GNA15: variants seen among roughly 807,000 people sequenced by gnomAD.
GNA15 encodes guanine nucleotide-binding protein subunit alpha-15.
In GNA15, 23 loss-of-function variants were observed where a neutral mutation model predicts 40.1. The ratio of observed to expected loss-of-function variants is 0.57; its 90% CI spans 0.41 to 0.81. The LOEUF (loss-of-function observed/expected upper bound fraction) is 0.81, where lower values mean the gene tolerates loss of function less well. GNA15 is among the 40% of genes least tolerant of loss of function. The pLI is 0.00. For missense variants in GNA15, 522 were observed against 515.8 expected (o/e 1.01, Z -0.12); for synonymous variants, 226 against 210.4 (o/e 1.07, Z -0.64).
At chr19:3,148,840 C>G (rs1051144755) in intron 2 of GNA15, 65 bp downstream of exon 2, 1 of 1,465,128 alleles carries the variant, frequency 6.8e-7, no homozygotes, top group Non-Finnish European at 9.1e-7. Context: ...TCCCCAGACC[C>G]CGGAGCAGGG....
chr19:3,161,237 A>G (rs1332059879), intron 6 of GNA15, among the ~76,000 whole-genome samples: 1 of 152,208 alleles, frequency 6.6e-6, no homozygotes, highest in Non-Finnish European at 1.5e-5. Flanking sequence ...TACAGGCGTG[A>G]GCCCTCATGC....
rs1206004386 is a variant in GNA15 at position 3,136,553 on chromosome 19, CAGA to C, written c.109_111del (p.Lys37del). ...GGAGATCAACAGGATCCTCTTGGAG[CAGA>C]AGAAGCAGGACCGCGGGGAGCTGAA... On this transcript the variant is annotated inframe_deletion, in exon 1 of 7. Coordinates refer to ENST00000262958, the MANE Select transcript of GNA15 (RefSeq NM_002068.4). This position sits in a 1 kb window ranked among gnomAD's most constrained non-coding sequence, Gnocchi z 4.9. The C allele has an allele frequency of 6.4e-7, 1 of 1,568,516 alleles. No homozygotes were observed. The highest frequency in any genetic ancestry group is 1.4e-5 in the African/African-American group (1 of 73,960).
intron 1 of GNA15, among the ~76,000 whole-genome samples, chr19:3,140,664 G>A (rs2144840405): frequency 6.6e-6 from 1 of 152,276 alleles, no homozygotes; most frequent in South Asian, 2.1e-4. Flanking sequence ...GACCACATCT[G>A]TCTTCTTCAT....
At chr19:3,156,097 C>A (rs1915007256) in intron 5 of GNA15, 145 bp downstream of exon 5, 2 of 728,204 alleles carry the variant, frequency 2.7e-6, no homozygotes, top group Non-Finnish European at 4.3e-6. Context: ...GACCCTTCAG[C>A]CTTTTGTGGT....
intron 4 of GNA15, among the ~76,000 whole-genome samples, chr19:3,153,318 T>C (rs1390725793): frequency 6.7e-6 from 1 of 148,716 alleles, no homozygotes. Flanking sequence ...GGTGGATGGA[T>C]AGATGAATAG....
chr19:3,163,222 G>A lies in GNA15; in HGVS notation c.*203G>A, dbSNP rs1158004921. ...CCCCAGGGTACTCCTGCCCTTGCTT[G>A]ACTCAGTTTCCCTCCTTTGAAAGGG... On this transcript the variant is annotated 3_prime_UTR_variant, in exon 7 of 7. Transcript: ENST00000262958. 1.7e-6 allele frequency: 1 copy of A among 585,520 alleles called. No individual in the cohort carries two copies. Among genetic ancestry groups the A allele is most frequent in the Admixed American group, 3.0e-5 (1 of 33,198 alleles). 36.3% of individuals were successfully genotyped at this position (585,520 alleles called of 1,614,324 possible). A position where few individuals can be genotyped will look rare whatever the true frequency, so the allele number is the denominator to read the frequency against.
chr19:3,140,716 G>A (rs993974696), intron 1 of GNA15, among the ~76,000 whole-genome samples: 1 of 152,142 alleles, frequency 6.6e-6, no homozygotes, highest in Non-Finnish European at 1.5e-5. Context: ...CAATGAGCCT[G>A]CCATATAGTA....
Position 3,136,404 on chromosome 19 carries a change from G to C in GNA15, c.-47G>C, listed in dbSNP as rs1047404912. 8.9e-5 allele frequency: 136 copies of C among 1,534,570 alleles called. No homozygotes were observed. The highest frequency in any genetic ancestry group is 1.1e-4 in the Non-Finnish European group (128 of 1,138,940). On this transcript the variant is annotated 5_prime_UTR_variant, in exon 1 of 7. Transcript: ENST00000262958. The surrounding 1 kb of genome is among the most constrained non-coding windows in gnomAD (Gnocchi z 4.9). ...GGGCTGGGGGTTGCCCTGGCCAGCA[G>C]GGGCCCGGGGGCGATGCCACCCGGT...
intron 1 of GNA15, among the ~76,000 whole-genome samples, chr19:3,139,209 G>A (rs914279491): frequency 6.6e-6 from 1 of 152,100 alleles, no homozygotes; most frequent in Non-Finnish European, 1.5e-5. Context: ...GCCTCCCAAA[G>A]TGTGGGGATT....
At chr19:3,154,918 G>A (rs1914976888) in intron 4 of GNA15, 1 of 152,142 alleles carries the variant, frequency 6.6e-6, no homozygotes, top group South Asian at 2.1e-4. Context: ...AGAGGACACT[G>A]AGACCCGAGA....
intron 1 of GNA15, 147 bp from the exon 2 acceptor site, chr19:3,148,444 C>T: frequency 1.4e-6 from 1 of 723,584 alleles, no homozygotes; most frequent in Non-Finnish European, 2.2e-6. Context: ...AAGCCGCTAG[C>T]CTAGGGTCAC....
chr19:3,145,013 G>C (rs1914678182), intron 1 of GNA15, among the ~76,000 whole-genome samples: 1 of 150,130 alleles, frequency 6.7e-6, no homozygotes, highest in Admixed American at 6.6e-5. Context: ...ATTTTTAGTA[G>C]AGACAGGGTT....
At chr19:3,141,063 G>A (rs1914565300) in intron 1 of GNA15, among the ~76,000 whole-genome samples, 1 of 151,918 alleles carries the variant, frequency 6.6e-6, no homozygotes, top group Non-Finnish European at 1.5e-5. Flanking sequence ...ACCTGGAGGT[G>A]GCTGATCCTT....
chr19:3,163,017 T>C lies in GNA15; in HGVS notation c.1123T>C (p.Ter375ArgextTer68). The C allele has an allele frequency of 6.2e-7, 1 of 1,610,724 alleles. No individual in the cohort carries two copies. Among genetic ancestry groups the C allele is most frequent in the Non-Finnish European group, 8.5e-7 (1 of 1,177,128 alleles). ...ARYLDEINLL* is the reference protein window; with the variant it reads ...ARYLDEINLLR ...CTACCTGGACGAGATCAACCTGCTG[T>C]GACCCAGGCCCCACCTGGGGCAGGC... Residue 375 changes from the stop codon to arginine (R), a stop_lost, in exon 7 of 7, where the codon TGA becomes CGA. Transcript: ENST00000262958.
rs1914882744 is a variant in GNA15 at position 3,151,621 on chromosome 19, A to AG, written c.486-83dup. ...ACCCAGGGAGCTCTCCTCCCCCAGCAGGGTCCTTGCTGGGCCTTTCGTAGG... is the reference window on the plus strand; with the variant it reads ...ACCCAGGGAGCTCTCCTCCCCCAGCAGGGGTCCTTGCTGGGCCTTTCGTAGG... On this transcript the variant is annotated intron_variant, in intron 3 of 6. Coordinates refer to ENST00000262958, the MANE Select transcript of GNA15 (RefSeq NM_002068.4). The surrounding 1 kb of genome is among the most constrained non-coding windows in gnomAD (Gnocchi z 5.0). 1 of 1,428,136 alleles carries AG rather than the reference A, an allele frequency of 7.0e-7. No homozygotes were observed. Among genetic ancestry groups the AG allele is most frequent in the African/African-American group, 1.5e-5 (1 of 68,694 alleles). The allele number at this position is 1,428,136 out of a possible 1,614,324, so 88.5% of individuals were successfully genotyped here.
At chr19:3,150,110 G>GC in intron 2 of GNA15, 21 bp from the exon 3 acceptor site, 1 of 1,607,084 alleles carries the variant, frequency 6.2e-7, no homozygotes. Flanking sequence ...TACCCTAACT[G>GC]CCCCCGTCCT....
chr19:3,163,036 G>T lies in GNA15; in HGVS notation c.*17G>T. ...CTGCTGTGACCCAGGCCCCACCTGG[G>T]GCAGGCGGCACCGGCGGGCGGGTGG... is the stretch of plus-strand genomic sequence containing the variant. On this transcript the variant is annotated 3_prime_UTR_variant, in exon 7 of 7. Coordinates refer to ENST00000262958, the MANE Select transcript of GNA15 (RefSeq NM_002068.4). 6.3e-7 allele frequency: 1 copy of T among 1,577,892 alleles called. No individual in the cohort carries two copies. Among genetic ancestry groups the T allele is most frequent in the Non-Finnish European group, 8.7e-7 (1 of 1,147,736 alleles).
chr19:3,160,501 A>G (rs539064956), intron 6 of GNA15, among the ~76,000 whole-genome samples: 1 of 152,264 alleles, frequency 6.6e-6, no homozygotes, highest in African/African-American at 2.4e-5. Context: ...GCCACATTCT[A>G]TTTGTCAAGC....
chr19:3,136,349 G>A lies in GNA15; in HGVS notation c.-102G>A, dbSNP rs537198789. 3.0e-5 allele frequency: 37 copies of A among 1,229,018 alleles called. No homozygotes were observed. The highest frequency in any genetic ancestry group is 2.8e-4 in the Middle Eastern group (1 of 3,512). The allele number at this position is 1,229,018 out of a possible 1,614,324, so 76.1% of individuals were successfully genotyped here. The stretch of plus-strand genomic sequence containing the variant: ...GAAAAGGCAGCCTCCCTGCGCACCC[G>A]GTTGCCCGGAGCCCTCTCCAGGGCC... On this transcript the variant is annotated 5_prime_UTR_variant, in exon 1 of 7. Transcript: ENST00000262958. The surrounding 1 kb of genome is among the most constrained non-coding windows in gnomAD (Gnocchi z 4.9).
Sources: gnomAD v4.1 joint callset for allele counts (sites outside exome capture counted in the v4.1 genomes callset) on GRCh38, gnomAD v4.1.1 for gene constraint, Gnocchi (gnomAD v3.1) non-coding constraint, MANE v1.5 for transcripts, NCBI Gene and HGNC (gene_info 2026-07-23, HGNC 2026-07-21) for gene names.